Variants in HIP1 observed in about 807,000 individuals in gnomAD.
The protein encoded by HIP1 is huntingtin-interacting protein 1.
Under a neutral mutation model 147.6 loss-of-function variants are expected in HIP1, and 65 were observed. The observed-to-expected ratio is 0.44, with a 90% CI of 0.36 to 0.54. HIP1 has a LOEUF of 0.54. Ranked by LOEUF, HIP1 falls within the 20% of genes least tolerant of loss-of-function variation. The pLI is 0.00. For missense variants in HIP1, 1,061 were observed against 1,299.6 expected (o/e 0.82, Z 2.82); for synonymous variants, 479 against 504.0 (o/e 0.95, Z 0.67).
intron 1 of HIP1, among the ~76,000 whole-genome samples, chr7:75,664,912 T>C (rs1799508506): frequency 6.6e-6 from 1 of 152,054 alleles, no homozygotes; most frequent in Non-Finnish European, 1.5e-5. Flanking sequence ...TGAGCCATCA[T>C]GCCCAGTCCA....
At chr7:75,624,242 T>G in intron 1 of HIP1, among the ~76,000 whole-genome samples, 1 of 151,778 alleles carries the variant, frequency 6.6e-6, no homozygotes, top group African/African-American at 2.4e-5. Flanking sequence ...ACCCAGGGAG[T>G]GAGAACAAGC....
chr7:75,587,784 C>A (rs184037513), intron 4 of HIP1, among the ~76,000 whole-genome samples: 7 of 151,992 alleles, frequency 4.6e-5, no homozygotes, highest in African/African-American at 1.7e-4. Flanking sequence ...GCCAACATGG[C>A]GAAACCCCAT....
At chr7:75,557,259 G>A (rs1014699740) in intron 16 of HIP1, among the ~76,000 whole-genome samples, 7 of 151,354 alleles carry the variant, frequency 4.6e-5, no homozygotes, top group Admixed American at 2.0e-4. Flanking sequence ...GGCTGGTCTC[G>A]AACTCCTGAC....
chr7:75,631,409 G>A (rs56206614), intron 1 of HIP1, among the ~76,000 whole-genome samples: 2,230 of 152,250 alleles, frequency 0.015, 67 homozygotes, highest in African/African-American at 0.052. Flanking sequence ...TGGTAGCAAC[G>A]GGACCTTAGC....
intron 1 of HIP1, among the ~76,000 whole-genome samples, chr7:75,709,109 CT>C (rs55720152): frequency 7.1e-4 from 93 of 131,396 alleles, no homozygotes; most frequent in Non-Finnish European, 1.1e-3. Flanking sequence ...TTTTTCTTTT[CT>C]TTTTTTTTTT....
chr7:75,647,363 A>T (rs1798834394), intron 1 of HIP1, among the ~76,000 whole-genome samples: 1 of 152,068 alleles, frequency 6.6e-6, no homozygotes, highest in African/African-American at 2.4e-5. Flanking sequence ...GTGCCACTGC[A>T]CTCCAGCCTG....
At chr7:75,538,260 C>T in intron 30 of HIP1, 36 bp from the exon 31 acceptor site, 2 of 1,527,008 alleles carry the variant, frequency 1.3e-6, no homozygotes, top group Non-Finnish European at 1.8e-6. Context: ...GCAAAGCACT[C>T]ATGAATGCAT....
chr7:75,611,407 C>A (rs1554504892), intron 1 of HIP1, among the ~76,000 whole-genome samples: 1 of 145,510 alleles, frequency 6.9e-6, no homozygotes, highest in Non-Finnish European at 1.5e-5. Context: ...GCGGAGGCTG[C>A]AGTGAGCTGA....
At chr7:75,586,528 G>A (rs1796287363) in intron 5 of HIP1, among the ~76,000 whole-genome samples, 1 of 152,054 alleles carries the variant, frequency 6.6e-6, no homozygotes, top group Non-Finnish European at 1.5e-5. Context: ...GCAAAATGGG[G>A]AACAAAGGGT....
At chr7:75,558,307 C>A in intron 14 of HIP1, 52 bp from the exon 15 acceptor site, 1 of 1,401,696 alleles carries the variant, frequency 7.1e-7, no homozygotes, top group Non-Finnish European at 1.0e-6. Flanking sequence ...GGACCCTTGC[C>A]TTCCTTGCAA....
chr7:75,736,374 C>T (rs1205324457), intron 1 of HIP1, among the ~76,000 whole-genome samples: 3 of 151,370 alleles, frequency 2.0e-5, no homozygotes, highest in South Asian at 4.2e-4. Context: ...CTAGAAGGAA[C>T]GGGTTGTTAA....
chr7:75,697,210 A>AG (rs1222574415), intron 1 of HIP1, among the ~76,000 whole-genome samples: 1 of 152,148 alleles, frequency 6.6e-6, no homozygotes, highest in African/African-American at 2.4e-5. Context: ...ATGTGTATAA[A>AG]GGTAAGTTTC....
chr7:75,555,466 G>C lies in HIP1; in HGVS notation c.1913C>G (p.Ala638Gly). ...AGGAGGTTCTTCAAGCTGGTTCAGG[G>C]CGTCTTGTATCACCTGCTCCGCAGC... is the stretch of plus-strand genomic sequence containing the variant. ...RKAAEQVIQD[A>G]LNQLEEPPLI... The change falls in exon 19 of 31, where the codon GCC (alanine) becomes GGC (glycine). Residue 638 changes from alanine to glycine, a missense_variant. By Grantham distance (60) the Ala-to-Gly change is moderately conservative. Coordinates refer to ENST00000336926, the MANE Select transcript of HIP1 (RefSeq NM_005338.7). 6.2e-7 allele frequency: 1 copy of C among 1,614,162 alleles called. No homozygotes were observed.
chr7:75,565,873 AG>A (rs1795384892), intron 9 of HIP1, among the ~76,000 whole-genome samples: 2 of 146,154 alleles, frequency 1.4e-5, no homozygotes, highest in South Asian at 4.2e-4. Flanking sequence ...CTGGGATTAC[AG>A]GGCTAATTTT....
chr7:75,729,055 G>A (rs545950385), intron 1 of HIP1, among the ~76,000 whole-genome samples: 16 of 149,442 alleles, frequency 1.1e-4, no homozygotes, highest in African/African-American at 3.9e-4. Flanking sequence ...ACAAGCCTGC[G>A]CATGTACCAT....
At chr7:75,604,200 C>T (rs896110029) in intron 1 of HIP1, among the ~76,000 whole-genome samples, 6 of 152,294 alleles carry the variant, frequency 3.9e-5, no homozygotes, top group African/African-American at 9.6e-5. Context: ...TCCATACTTC[C>T]GGAGCCCATC....
chr7:75,702,403 C>T (rs1215115263), intron 1 of HIP1, among the ~76,000 whole-genome samples: 3 of 151,820 alleles, frequency 2.0e-5, no homozygotes, highest in Non-Finnish European at 2.9e-5. Flanking sequence ...CCACCGCACC[C>T]GGCCTAATTT....
intron 29 of HIP1, among the ~76,000 whole-genome samples, chr7:75,541,012 C>A (rs1009853383): frequency 2.6e-5 from 4 of 152,028 alleles, no homozygotes; most frequent in African/African-American, 4.8e-5. Context: ...CACCTGTAAT[C>A]CCAGCCCTTT....
rs1554491544 is a variant in HIP1 at position 75,548,902 on chromosome 7, C to T, written c.2395G>A (p.Ala799Thr). ...ATSAAIETAT[A>T]RIEEMLSKSR... is the part of the protein sequence containing the mutation. The stretch of plus-strand genomic sequence containing the variant: ...CAGGAACCTCCTACCTCTATTCTGG[C>T]CGTGGCAGTTTCAATAGCAGCTGAA... Residue 799 changes from alanine to threonine, a missense_variant, in exon 23 of 31, where the codon GCC (alanine) becomes ACC (threonine). Physicochemically the swap from Ala to Thr is moderately conservative, Grantham distance 58. This residue lies in a region of HIP1 where 810 missense variants were observed against 946.8 expected (regional missense o/e 0.86). Coordinates refer to ENST00000336926, the MANE Select transcript of HIP1 (RefSeq NM_005338.7). 5.6e-6 allele frequency: 9 copies of T among 1,612,786 alleles called. No individual in the cohort carries two copies. The highest frequency in any genetic ancestry group is 7.6e-6 in the Non-Finnish European group (9 of 1,178,746).
Sources: gnomAD v4.1 joint callset for allele counts (sites outside exome capture counted in the v4.1 genomes callset) on GRCh38, gnomAD v4.1.1 for gene constraint, gnomAD v4.1.1 regional missense constraint, MANE v1.5 for transcripts, NCBI Gene and HGNC (gene_info 2026-07-23, HGNC 2026-07-21) for gene names.